The following CYP39A1 variants were observed in gnomAD, a reference collection of about 807,000 sequenced individuals.
CYP39A1 encodes the protein 24-hydroxycholesterol 7-alpha-hydroxylase.
CYP39A1 carries 49 observed loss-of-function variants against 58.1 expected under a neutral mutation model. The observed-to-expected ratio is 0.84, with a 90% CI of 0.67 to 1.07. The LOEUF is 1.07. Ranked by LOEUF, CYP39A1 falls within the 50% of genes least tolerant of loss-of-function variation. CYP39A1 has a pLI of 0.00. For missense variants in CYP39A1, 531 were observed against 539.4 expected, an observed-to-expected ratio of 0.98 and a Z score of 0.16; for synonymous variants, 209 against 187.6, an observed-to-expected ratio of 1.11 and a Z score of -0.93.
rs768869440 is a variant in CYP39A1 at position 46,588,066 on chromosome 6, T to A, written c.1129A>T (p.Lys377Ter). Residue 377 changes from lysine (K) to a stop codon, truncating the protein, a stop_gained, in exon 9 of 12, where the codon AAG (lysine) becomes TAG (stop). Coordinates refer to ENST00000275016, the MANE Select transcript of CYP39A1 (RefSeq NM_016593.5). LOFTEE classifies it high-confidence loss of function. ...LSPFWLHRNPKYFPEPELFKP... is the reference protein window; with the variant it reads ...LSPFWLHRNP The stretch of plus-strand genomic sequence containing the variant: ...AACAATTCAGGCTCAGGAAAATACT[T>A]TGGATTTCTATGCAGCCAAAATGGA... 3.1e-6 allele frequency: 5 copies of A among 1,590,358 alleles called. No individual in the cohort carries two copies. The highest frequency in any genetic ancestry group is 2.6e-6 in the Non-Finnish European group (3 of 1,167,562).
intron 7 of CYP39A1, among the ~76,000 whole-genome samples, chr6:46,624,041 G>C (rs1031365250): frequency 2.6e-5 from 4 of 152,056 alleles, no homozygotes; most frequent in African/African-American, 7.2e-5. Context: ...CATAGAAAAA[G>C]CAAAAAGGTT....
chr6:46,636,035 G>A (rs930037075), intron 5 of CYP39A1, among the ~76,000 whole-genome samples: 5 of 152,186 alleles, frequency 3.3e-5, no homozygotes, highest in African/African-American at 1.2e-4. Context: ...AACGGTAGTG[G>A]CATCAACAAC....
intron 10 of CYP39A1, among the ~76,000 whole-genome samples, chr6:46,565,805 G>A (rs563145208): frequency 7.3e-4 from 111 of 152,238 alleles, no homozygotes; most frequent in African/African-American, 1.2e-3. Context: ...CATGCTTCCC[G>A]ACATCACCTC....
chr6:46,616,836 G>A (rs961758095), intron 7 of CYP39A1, among the ~76,000 whole-genome samples: 42 of 152,134 alleles, frequency 2.8e-4, no homozygotes, highest in African/African-American at 8.0e-4. Flanking sequence ...GAAGGCTTTA[G>A]ATTTCATTCT....
intron 7 of CYP39A1, 107 bp from the exon 8 acceptor site, chr6:46,596,227 G>C: frequency 1.3e-6 from 1 of 753,036 alleles, no homozygotes; most frequent in Non-Finnish European, 2.1e-6. Context: ...AGCAAGTAAA[G>C]TGTTCCTATT....
chr6:46,614,615 T>A (rs1464309650), intron 7 of CYP39A1, among the ~76,000 whole-genome samples: 1 of 152,204 alleles, frequency 6.6e-6, no homozygotes, highest in African/African-American at 2.4e-5. Flanking sequence ...TCACTTTTCC[T>A]GATAGCTGAC....
intron 8 of CYP39A1, among the ~76,000 whole-genome samples, chr6:46,592,472 G>A (rs1262999304): frequency 6.6e-6 from 1 of 152,040 alleles, no homozygotes; most frequent in Admixed American, 6.6e-5. Context: ...TTTATACTAA[G>A]GAAATAATTA....
intron 7 of CYP39A1, among the ~76,000 whole-genome samples, chr6:46,615,616 G>A (rs1454942204): frequency 2.0e-5 from 3 of 151,990 alleles, no homozygotes; most frequent in Non-Finnish European, 4.4e-5. Context: ...CGCATTGAGA[G>A]TTGAATCAAA....
rs573160488 is a variant in CYP39A1, at chr6:46,608,875, A to G, written c.932-12755T>C. ...GTGATCCACCCACCTCGGCCTCCCA[A>G]AGTGCTGGGATTATAGGCGTGAGCC... On this transcript the variant is annotated intron_variant, in intron 7 of 11. Transcript: ENST00000275016. 1.1e-4 allele frequency among the ~76,000 whole-genome samples: 16 copies of G among 151,880 alleles called. No individual in the cohort carries two copies. In the South Asian group the frequency reaches 2.5e-3, roughly 24 times the overall value.
At chr6:46,634,499 G>A (rs983541020) in intron 5 of CYP39A1, among the ~76,000 whole-genome samples, 19 of 148,930 alleles carry the variant, frequency 1.3e-4, no homozygotes, top group Non-Finnish European at 2.2e-4. Context: ...TGTTGGTAGG[G>A]AATTTTACTT....
intron 10 of CYP39A1, among the ~76,000 whole-genome samples, chr6:46,584,885 G>A (rs1217022100): frequency 6.6e-6 from 1 of 152,066 alleles, no homozygotes; most frequent in African/African-American, 2.4e-5. Context: ...GGCATCTCTC[G>A]ACCAGAAATC....
rs757613189 is a variant in CYP39A1, at chr6:46,549,761, C to CACCTTCTACACT, written c.*604_*605insAGTGTAGAAGGT. 6.6e-5 allele frequency: 10 copies of CACCTTCTACACT among 152,226 alleles called. No individual in the cohort carries two copies. In the East Asian group the frequency reaches 1.9e-3, roughly 29 times the overall value. 9.4% of individuals were successfully genotyped at this position (152,226 alleles called of 1,614,324 possible). ...TCTGTAAAGAAGGTGCAATCCTGAG[C>CACCTTCTACACT]ATAATAAAGTGTAGAAATGAATGTA... On this transcript the variant is annotated 3_prime_UTR_variant, in exon 12 of 12. Transcript: ENST00000275016.
intron 7 of CYP39A1, among the ~76,000 whole-genome samples, chr6:46,609,644 T>C (rs1774086158): frequency 6.6e-6 from 1 of 152,096 alleles, no homozygotes; most frequent in Non-Finnish European, 1.5e-5. Flanking sequence ...GCTCCAGAGC[T>C]GAGGACACAT....
At chr6:46,555,582 C>T (rs999417670) in intron 10 of CYP39A1, among the ~76,000 whole-genome samples, 43 of 152,170 alleles carry the variant, frequency 2.8e-4, no homozygotes, top group African/African-American at 9.7e-4. Flanking sequence ...TAACTAATGC[C>T]TTTATCCTAC....
At chr6:46,588,199 A>C in intron 8 of CYP39A1, 70 bp from the exon 9 acceptor site, 1 of 828,792 alleles carries the variant, frequency 1.2e-6, no homozygotes, top group Non-Finnish European at 1.9e-6. Flanking sequence ...GGCCACTAAA[A>C]ATGATGCTAC....
chr6:46,591,013 CAG>C (rs1227167852), intron 8 of CYP39A1, among the ~76,000 whole-genome samples: 1 of 152,128 alleles, frequency 6.6e-6, no homozygotes, highest in Non-Finnish European at 1.5e-5. Flanking sequence ...TCTGTTAACA[CAG>C]ATGTTCAGAT....
intron 7 of CYP39A1, among the ~76,000 whole-genome samples, chr6:46,597,572 A>C (rs1773241674): frequency 6.6e-6 from 1 of 152,168 alleles, no homozygotes. Context: ...AAATGGTCCA[A>C]CTTCAACATA....
intron 2 of CYP39A1, 62 bp downstream of exon 2, chr6:46,642,101 C>G (rs1335047183): frequency 7.7e-6 from 12 of 1,568,012 alleles, no homozygotes; most frequent in Non-Finnish European, 1.1e-5. Context: ...TAATTTTTAC[C>G]TAAAACTACT....
chr6:46,630,633 A>T (rs1169580480), intron 6 of CYP39A1, among the ~76,000 whole-genome samples: 1 of 152,146 alleles, frequency 6.6e-6, no homozygotes, highest in Non-Finnish European at 1.5e-5. Flanking sequence ...CAATACCAAT[A>T]CTGAGCACAT....
Sources: allele counts gnomAD v4.1 joint callset (sites outside exome capture counted in the v4.1 genomes callset), GRCh38; gene constraint gnomAD v4.1.1; transcripts MANE v1.5; gene names NCBI Gene and HGNC (gene_info 2026-07-23, HGNC 2026-07-21).